The following STAG2 variants were observed in gnomAD, a reference collection of about 807,000 sequenced individuals.
The protein encoded by STAG2 is STAG2 cohesin complex component, also known as cohesin subunit SA-2.
In STAG2, 14 loss-of-function variants were observed where a neutral mutation model predicts 108.1. The ratio of observed to expected loss-of-function variants is 0.13; its 90% confidence interval spans 0.09 to 0.20. The LOEUF is 0.20. STAG2 is among the 10% of genes least tolerant of loss of function. The pLI, the probability that STAG2 is intolerant of heterozygous loss-of-function variation, is 1.00. For missense variants in STAG2, 440 were observed against 940.9 expected (o/e 0.47, Z 6.96); for synonymous variants, 307 against 302.7 (o/e 1.01, Z -0.15).
chrX:124,069,716 A>C (rs2148363450), intron 24 of STAG2, among the ~76,000 whole-genome samples: 1 of 111,350 alleles, frequency 9.0e-6, no homozygotes, highest in East Asian at 2.8e-4. Context: ...TTTTTTTCCA[A>C]AAATATGAAG....
Position 124,076,512 on chromosome X carries a change from A to G in STAG2, c.2673+41A>G, listed in dbSNP as rs139867208. The G allele has an allele frequency of 1.6e-5, 17 of 1,091,168 alleles. No individual in the cohort carries two copies. In the African/African-American group the frequency reaches 3.2e-4, roughly 21 times the overall value. The allele number at this position is 1,091,168 out of a possible 1,213,427, so 89.9% of individuals were successfully genotyped here. A position where few individuals can be genotyped will look rare whatever the true frequency, so the allele number is the denominator to read the frequency against. On this transcript the variant is annotated intron_variant, in intron 26 of 34. Transcript: ENST00000371145. ...GGATAGCAAGATAGTTTTAAAATGC[A>G]ACGCTAGTTTTTATGCATGGCTGCC...
chrX:124,034,115 T>A (rs2057432218), intron 5 of STAG2, among the ~76,000 whole-genome samples: 1 of 112,502 alleles, frequency 8.9e-6, no homozygotes, highest in Non-Finnish European at 1.9e-5. Context: ...ATTCCATTTT[T>A]ATCTAAAAAT....
chrX:124,085,568 A>G (rs2059079450), intron 29 of STAG2, among the ~76,000 whole-genome samples: 1 of 110,344 alleles, frequency 9.1e-6, no homozygotes, highest in African/African-American at 3.3e-5. Context: ...GCGGGCAGAG[A>G]GTTCGAGAGC....
At chrX:124,045,010 A>G (rs1239851599) in intron 7 of STAG2, among the ~76,000 whole-genome samples, 154 bp from the exon 8 acceptor site, 3 of 111,822 alleles carry the variant, frequency 2.7e-5, no homozygotes, top group African/African-American at 9.7e-5. Context: ...CCCTACCTTT[A>G]TATATTGTTC....
At chrX:123,963,898 A>G (rs2053980239) in intron 1 of STAG2, among the ~76,000 whole-genome samples, 1 of 111,688 alleles carries the variant, frequency 9.0e-6, no homozygotes, top group South Asian at 3.6e-4. Context: ...TACTTTTGCT[A>G]TCTTTGGGTA....
intron 32 of STAG2, among the ~76,000 whole-genome samples, chrX:124,091,586 CATA>C (rs2059252257): frequency 8.9e-6 from 1 of 112,218 alleles, no homozygotes; most frequent in African/African-American, 3.2e-5. Context: ...GTAAAATCAT[CATA>C]AAAGAACAAG....
chrX:124,058,114 C>T (rs1048446427), intron 15 of STAG2, 137 bp downstream of exon 15: 28 of 290,980 alleles, frequency 9.6e-5, no homozygotes, highest in Non-Finnish European at 1.4e-4. Flanking sequence ...CTCCCCCACT[C>T]CCCCAATTTT....
At chrX:124,020,952 G>A (rs771304594) in intron 1 of STAG2, among the ~76,000 whole-genome samples, 9 of 112,124 alleles carry the variant, frequency 8.0e-5, no homozygotes, top group South Asian at 3.7e-4. Context: ...GATTACAGGC[G>A]TGAGCCACTG....
At chrX:124,001,385 C>T (rs932347855) in intron 1 of STAG2, among the ~76,000 whole-genome samples, 6 of 111,363 alleles carry the variant, frequency 5.4e-5, no homozygotes, top group African/African-American at 9.8e-5. Context: ...CCACTGCACC[C>T]GGCCAAAATA....
chrX:124,028,571 TATGTTTCAG>T (rs1342383343), intron 4 of STAG2, among the ~76,000 whole-genome samples: 2 of 110,122 alleles, frequency 1.8e-5, no homozygotes, highest in Non-Finnish European at 3.8e-5. Flanking sequence ...TAACAAGTAA[TATGTTTCAG>T]ATGTTTCAGG....
At chrX:124,048,726 G>A (rs984721767) in intron 9 of STAG2, among the ~76,000 whole-genome samples, 11 of 111,469 alleles carry the variant, frequency 9.9e-5, no homozygotes, top group Non-Finnish European at 1.7e-4. Flanking sequence ...CACTGCACCC[G>A]GCCTTCTTTA....
chrX:124,003,113 A>G (rs2056129442), intron 1 of STAG2, among the ~76,000 whole-genome samples: 1 of 104,045 alleles, frequency 9.6e-6, no homozygotes, highest in African/African-American at 3.5e-5. Flanking sequence ...GATTACAGGG[A>G]TGTGCCACCA....
In STAG2 at chrX:124,062,942, G is replaced by A. The variant is rs778840109; in HGVS notation, c.1679G>A (p.Arg560Lys). 8.7e-5 allele frequency: 105 copies of A among 1,209,852 alleles called. No homozygotes were observed. The Admixed American group carries it at 2.3e-3, about 26-fold the overall frequency. ...AKEKKTQLDD[R>K]TKITELFAVA... ...GAGAAGAAGACACAGTTGGATGATA[G>A]GACAAAAATCACTGAGCTTTTTGCC... is the stretch of plus-strand genomic sequence containing the variant. Residue 560 changes from arginine to lysine, a missense_variant, in exon 18 of 35, where the codon AGG becomes AAG. Arg to Lys is a conservative substitution (Grantham distance 26). This residue lies in a region of STAG2 where 337 missense variants were observed against 649.3 expected (regional missense o/e 0.52). Transcript: ENST00000371145.
chrX:124,014,855 A>G (rs1334946252), intron 1 of STAG2, among the ~76,000 whole-genome samples: 1 of 110,623 alleles, frequency 9.0e-6, no homozygotes. Context: ...TGTGTAAAAG[A>G]AAAGATATTT....
At chrX:123,968,412 C>T (rs773504604) in intron 1 of STAG2, among the ~76,000 whole-genome samples, 1 of 112,074 alleles carries the variant, frequency 8.9e-6, no homozygotes, top group South Asian at 3.7e-4. Flanking sequence ...TGAATCCCAG[C>T]ACTTTGGTAG....
intron 1 of STAG2, among the ~76,000 whole-genome samples, chrX:123,965,367 C>T (rs1017158091): frequency 9.0e-6 from 1 of 111,355 alleles, no homozygotes; most frequent in Non-Finnish European, 1.9e-5. Context: ...TTTTTAAAGC[C>T]CAAATGCTCA....
At chrX:124,071,972 G>T (rs1339417472) in intron 25 of STAG2, among the ~76,000 whole-genome samples, 2 of 111,121 alleles carry the variant, frequency 1.8e-5, no homozygotes, top group Non-Finnish European at 3.8e-5. Flanking sequence ...ATATTTGGCG[G>T]CATCTTTCTG....
intron 1 of STAG2, among the ~76,000 whole-genome samples, chrX:124,019,031 G>T (rs982961858): frequency 9.4e-6 from 1 of 106,523 alleles, no homozygotes; most frequent in Admixed American, 1.0e-4. Context: ...GCAAACACTC[G>T]GATACATGGA....
Position 123,986,991 on chromosome X carries a change from A to T in STAG2, c.-163+25135A>T, listed in dbSNP as rs190113766. On this transcript the variant is annotated intron_variant, in intron 1 of 34. Coordinates refer to ENST00000371145, the MANE Select transcript of STAG2 (RefSeq NM_001042750.2). ...ACCATGTCCAGCTACTTAAAAAAAA[A>T]TTTTTTTTTTAATTTTTTTTAGACG... Among the ~76,000 whole-genome samples, 974 of 106,448 alleles carry T rather than the reference A, an allele frequency of 9.2e-3. 12 individuals are homozygous for T. The highest frequency in any genetic ancestry group is 0.031 in the African/African-American group (908 of 29,175). 92.4% of individuals were successfully genotyped at this position (106,448 alleles called of 115,157 possible).
Sources: gnomAD v4.1 joint callset for allele counts (sites outside exome capture counted in the v4.1 genomes callset) on GRCh38, gnomAD v4.1.1 for gene constraint, gnomAD v4.1.1 regional missense constraint, MANE v1.5 for transcripts, NCBI Gene and HGNC (gene_info 2026-07-23, HGNC 2026-07-21) for gene names.